The following SDK1 variants were observed in gnomAD, a reference collection of about 807,000 sequenced individuals.
The protein encoded by SDK1 is sidekick cell adhesion molecule 1, also known as protein sidekick-1.
A neutral mutation model predicts 245.5 loss-of-function variants in SDK1; 157 were observed. The observed-to-expected ratio is 0.64, with a 90% CI of 0.56 to 0.73. The LOEUF (loss-of-function observed/expected upper bound fraction) is 0.73, where lower values mean the gene tolerates loss of function less well. Ranked by LOEUF, SDK1 falls within the 30% of genes least tolerant of loss-of-function variation. SDK1 has a pLI of 0.00. For missense variants in SDK1, 3,583 were observed against 3,002.3 expected (o/e 1.19, Z -4.52); for synonymous variants, 1,647 against 1,278.5 (o/e 1.29, Z -6.15).
At chr7:3,326,039 A>G (rs1247851402) in intron 1 of SDK1, among the ~76,000 whole-genome samples, 1 of 152,186 alleles carries the variant, frequency 6.6e-6, no homozygotes, top group Non-Finnish European at 1.5e-5. Context: ...TAATGTGTGT[A>G]TATATAGTGA....
intron 2 of SDK1, among the ~76,000 whole-genome samples, chr7:3,628,332 A>G (rs1056476145): frequency 2.0e-5 from 3 of 152,068 alleles, no homozygotes; most frequent in Non-Finnish European, 4.4e-5. Context: ...GTATATATAT[A>G]TGTATATACA....
intron 5 of SDK1, among the ~76,000 whole-genome samples, chr7:3,912,467 A>G (rs143403232): frequency 6.2e-4 from 94 of 152,356 alleles, no homozygotes; most frequent in African/African-American, 2.2e-3. Flanking sequence ...GAAACATTGC[A>G]TTCTGTGAGG....
At chr7:3,774,214 C>CA (rs35211488) in intron 4 of SDK1, among the ~76,000 whole-genome samples, 14,278 of 69,680 alleles carry the variant, frequency 0.2, 995 homozygotes, top group Admixed American at 0.26. Context: ...GACTCCATCT[C>CA]AAAAAAAAAA....
At chr7:3,327,795 G>T (rs1004039698) in intron 1 of SDK1, among the ~76,000 whole-genome samples, 1 of 152,008 alleles carries the variant, frequency 6.6e-6, no homozygotes, top group Non-Finnish European at 1.5e-5. Flanking sequence ...GTTTGATTAC[G>T]GTATGCTTTT....
intron 1 of SDK1, among the ~76,000 whole-genome samples, chr7:3,304,328 G>C (rs762090589): frequency 2.0e-5 from 3 of 152,182 alleles, no homozygotes; most frequent in Non-Finnish European, 4.4e-5. Flanking sequence ...CTTTCTTTAT[G>C]CCATCCACCA....
chr7:3,652,541 C>T (rs1363924405), intron 4 of SDK1, among the ~76,000 whole-genome samples: 3 of 152,068 alleles, frequency 2.0e-5, no homozygotes, highest in South Asian at 2.1e-4. Context: ...AGAGATTTCT[C>T]GTGGATTTTT....
intron 1 of SDK1, among the ~76,000 whole-genome samples, chr7:3,337,633 T>C (rs1201327666): frequency 6.6e-6 from 1 of 152,224 alleles, no homozygotes; most frequent in Non-Finnish European, 1.5e-5. Flanking sequence ...GGAAAGCTAC[T>C]GAAAGTAGCT....
At chr7:4,111,956 G>C (rs1236480501) in intron 23 of SDK1, among the ~76,000 whole-genome samples, 1 of 152,178 alleles carries the variant, frequency 6.6e-6, no homozygotes, top group Non-Finnish European at 1.5e-5. Flanking sequence ...CTGATTTGCT[G>C]TAAGTCTCAC....
intron 17 of SDK1, among the ~76,000 whole-genome samples, chr7:4,037,422 C>T (rs181033006): frequency 3.0e-4 from 46 of 152,158 alleles, no homozygotes; most frequent in African/African-American, 1.1e-3. Context: ...GGCTTGAGAC[C>T]AGCTTGGGCC....
chr7:3,930,141 G>A (rs922450041), intron 5 of SDK1, among the ~76,000 whole-genome samples: 1 of 152,174 alleles, frequency 6.6e-6, no homozygotes, highest in African/African-American at 2.4e-5. Flanking sequence ...CTGATTCGAT[G>A]GGTCTGGAGT....
Position 3,917,550 on chromosome 7 carries a change from A to G in SDK1, c.848-33373A>G, listed in dbSNP as rs574002861. On this transcript the variant is annotated intron_variant, in intron 5 of 44. Transcript: ENST00000404826. ...GCCAGCAGGTAAAACGGACTCTGAG[A>G]GCAGAGGCCTGCTAAGAAGGAAGTG... Among the ~76,000 whole-genome samples, 9 of 152,208 alleles carry G rather than the reference A, an allele frequency of 5.9e-5. No individual in the cohort carries two copies. The East Asian group carries it at 1.4e-3, about 23-fold the overall frequency.
chr7:3,803,605 C>T (rs1293056647), intron 4 of SDK1, among the ~76,000 whole-genome samples: 4 of 152,096 alleles, frequency 2.6e-5, no homozygotes, highest in African/African-American at 7.2e-5. Context: ...GCCACTGCGC[C>T]TGTTACACTT....
chr7:3,844,177 G>A (rs1780222786), intron 5 of SDK1, among the ~76,000 whole-genome samples: 1 of 152,054 alleles, frequency 6.6e-6, no homozygotes, highest in South Asian at 2.1e-4. Context: ...CACCACGTTG[G>A]CCAGACTGGT....
intron 4 of SDK1, among the ~76,000 whole-genome samples, chr7:3,707,000 A>G (rs1383569827): frequency 1.3e-5 from 2 of 152,150 alleles, no homozygotes; most frequent in East Asian, 3.8e-4. Context: ...TTCAAAGAAC[A>G]AGATTTTTGT....
At position 3,967,421 on chromosome 7, in the gene SDK1, C is replaced by A. The variant is rs1362978387; in HGVS notation, c.1533C>A (p.Ile511=). The change falls in exon 10 of 45, where the codon ATC becomes ATA. Residue 511 remains isoleucine, a synonymous_variant. Coordinates refer to ENST00000404826, the MANE Select transcript of SDK1 (RefSeq NM_152744.4). Reference sequence around the variant, plus strand: ...TGTCCGGGGCTCCCAAACCCGCCATCACCTGGAAAAGAGGTGGGTAGCATC... The same window carrying A: ...TGTCCGGGGCTCCCAAACCCGCCATAACCTGGAAAAGAGGTGGGTAGCATC... The part of the protein sequence containing the change: ...CEVSGAPKPA[I]TWKRENHILA... 6.2e-7 allele frequency: 1 copy of A among 1,612,108 alleles called. No individual in the cohort carries two copies. The highest frequency in any genetic ancestry group is 1.3e-5 in the African/African-American group (1 of 75,004).
rs550838585 is a variant in SDK1, at chr7:3,386,119, T to C, written c.298+84235T>C. On this transcript the variant is annotated intron_variant, in intron 1 of 44. Transcript: ENST00000404826. ...ACATAGGAATTCATGGAACCACTTA[T>C]GTTAAAATTGATAACTTTAAAAAAA... is the stretch of plus-strand genomic sequence containing the variant. 1.1e-3 allele frequency among the ~76,000 whole-genome samples: 168 copies of C among 152,334 alleles called. 1 individual carries two copies. Among genetic ancestry groups the C allele is most frequent in the African/African-American group, 3.8e-3 (159 of 41,576 alleles).
chr7:3,383,396 G>T (rs956815920), intron 1 of SDK1, among the ~76,000 whole-genome samples: 1 of 152,092 alleles, frequency 6.6e-6, no homozygotes, highest in East Asian at 1.9e-4. Context: ...GGGTGACAGC[G>T]AGACCCTGTT....
intron 5 of SDK1, among the ~76,000 whole-genome samples, chr7:3,908,487 G>T (rs935305704): frequency 6.6e-6 from 1 of 152,160 alleles, no homozygotes; most frequent in Non-Finnish European, 1.5e-5. Context: ...GTCCAGGATT[G>T]CTGGGTCATT....
chr7:3,864,807 A>G (rs948883182), intron 5 of SDK1, among the ~76,000 whole-genome samples: 4 of 152,226 alleles, frequency 2.6e-5, no homozygotes, highest in African/African-American at 7.2e-5. Flanking sequence ...AGTGAGGGAA[A>G]GAATGAGGGA....
Sources: gnomAD v4.1 joint callset for allele counts (sites outside exome capture counted in the v4.1 genomes callset) on GRCh38, gnomAD v4.1.1 for gene constraint, MANE v1.5 for transcripts, NCBI Gene and HGNC (gene_info 2026-07-23, HGNC 2026-07-21) for gene names.